The following CLDN7 variants were observed in gnomAD, a reference collection of about 807,000 sequenced individuals.
CLDN7 encodes claudin-7.
In CLDN7, 15 loss-of-function variants were observed where a neutral mutation model predicts 20.3. The observed-to-expected ratio is 0.74, with a 90% CI of 0.49 to 1.14. The LOEUF (loss-of-function observed/expected upper bound fraction) is 1.14, where lower values mean the gene tolerates loss of function less well. Ranked by LOEUF, CLDN7 falls within the 50% of genes most tolerant of loss-of-function variation. The pLI is 0.00. For missense variants in CLDN7, 261 were observed against 274.2 expected, an observed-to-expected ratio of 0.95 and a Z score of 0.34; for synonymous variants, 117 against 106.1, an observed-to-expected ratio of 1.10 and a Z score of -0.63.
rs1254939116 is a variant in CLDN7 at position 7,261,949 on chromosome 17, A to T, written c.95T>A (p.Met32Lys). ...GATGTTGTCACCCGCATAGGAGCTC[A>T]TCTGCCACTGCGGGATGGCGGTGCA... is the stretch of plus-strand genomic sequence containing the variant. ...VACTAIPQWQ[M>K]SSYAGDNIIT... The change falls in exon 1 of 4, where the codon ATG becomes AAG. Residue 32 changes from methionine (M) to lysine (K), a missense_variant. Transcript: ENST00000360325. 1.2e-6 allele frequency: 2 copies of T among 1,612,902 alleles called. No individual in the cohort carries two copies. Among genetic ancestry groups the T allele is most frequent in the South Asian group, 2.2e-5 (2 of 91,026 alleles).
At position 7,260,333 on chromosome 17, in the gene CLDN7, C is replaced by A; in HGVS notation, c.*41G>T. 1 of 1,557,784 alleles carries A rather than the reference C, an allele frequency of 6.4e-7. No individual in the cohort carries two copies. Among genetic ancestry groups the A allele is most frequent in the Admixed American group, 1.9e-5 (1 of 53,618 alleles). On this transcript the variant is annotated 3_prime_UTR_variant, in exon 4 of 4. Transcript: ENST00000360325. ...CCCCAGGCCCTTTCAGGCATCTAGA[C>A]ACTCCCATAGCCTGTCAGGCTGGGG...
Position 7,262,122 on chromosome 17 carries a change from A to AC in CLDN7, c.-80dup. 6.6e-7 allele frequency: 1 copy of AC among 1,505,248 alleles called. No individual in the cohort carries two copies. Among genetic ancestry groups the AC allele is most frequent in the Admixed American group, 2.3e-5 (1 of 42,974 alleles). 93.2% of individuals were successfully genotyped at this position (1,505,248 alleles called of 1,614,324 possible). ...CAAACGACACTTGGGGGGCAGCCCC[A>AC]CAAAAGAAAACTTGAGGTGGAGTTT... On this transcript the variant is annotated 5_prime_UTR_variant, in exon 1 of 4. Coordinates refer to ENST00000360325, the MANE Select transcript of CLDN7 (RefSeq NM_001307.6). The surrounding 1 kb of genome is among the most constrained non-coding windows in gnomAD (Gnocchi z 6.6).
At position 7,260,634 on chromosome 17, in the gene CLDN7, A is replaced by G. The variant is rs770049907; in HGVS notation, c.473+8T>C. On this transcript the variant is annotated splice_region_variant and intron_variant, in intron 3 of 3. Coordinates refer to ENST00000360325, the MANE Select transcript of CLDN7 (RefSeq NM_001307.6). ...TGTCCCCTTAGGAGGCAGGGTTCCC[A>G]GACTTACTTAATGTTGGTAGGGATC... 11 of 1,614,014 alleles carry G rather than the reference A, an allele frequency of 6.8e-6. No individual in the cohort carries two copies. The African/African-American group carries it at 9.3e-5, about 14-fold the overall frequency.
chr17:7,261,692 G>A (rs2072226332), intron 1 of CLDN7, 129 bp downstream of exon 1: 1 of 288,160 alleles, frequency 3.5e-6, no homozygotes. Flanking sequence ...GCCCCCAGCC[G>A]ACCACTTCCT....
Position 7,260,096 on chromosome 17 carries a change from T to C in CLDN7, c.*278A>G. Reference sequence around the variant, plus strand: ...AGGTTCCAAGCTCCCTGCAAGGATCTGGACGGGAGGAAAGCAGAGGCCCTG... The same window carrying C: ...AGGTTCCAAGCTCCCTGCAAGGATCCGGACGGGAGGAAAGCAGAGGCCCTG... On this transcript the variant is annotated 3_prime_UTR_variant, in exon 4 of 4. Coordinates refer to ENST00000360325, the MANE Select transcript of CLDN7 (RefSeq NM_001307.6). 1 of 350,984 alleles carries C rather than the reference T, an allele frequency of 2.8e-6. No individual in the cohort carries two copies. Among genetic ancestry groups the C allele is most frequent in the East Asian group, 5.2e-5 (1 of 19,194 alleles). The allele number at this position is 350,984 out of a possible 1,614,324, so 21.7% of individuals were successfully genotyped here.
chr17:7,260,532 C>A lies in CLDN7; in HGVS notation c.478G>T (p.Glu160Ter). The change falls in exon 4 of 4, where the codon GAG (glutamate) becomes TAG (stop). Residue 160 changes from glutamate to a stop codon, truncating the protein, a stop_gained. Coordinates refer to ENST00000360325, the MANE Select transcript of CLDN7 (RefSeq NM_001307.6). LOFTEE classifies it high-confidence loss of function. ...NPLIPTNIKY[E>*]FGPAIFIGWA... is the part of the protein sequence containing the mutation. ...CCAATAAAGATGGCAGGGCCAAACT[C>A]ATACCTGTGAAGAGAAGGGGGTGGT... 6.2e-7 allele frequency: 1 copy of A among 1,612,240 alleles called. No homozygotes were observed. Among genetic ancestry groups the A allele is most frequent in the South Asian group, 1.1e-5 (1 of 90,948 alleles).
chr17:7,261,725 C>T (rs115784361), intron 1 of CLDN7, 96 bp downstream of exon 1: 7 of 1,349,540 alleles, frequency 5.2e-6, no homozygotes, highest in Non-Finnish European at 7.0e-6. Context: ...CCCCGGCAAC[C>T]CAGGGCCCCC....
intron 1 of CLDN7, 22 bp from the exon 2 acceptor site, chr17:7,261,007 G>GC (rs749461011): frequency 6.3e-7 from 1 of 1,593,984 alleles, no homozygotes; most frequent in Non-Finnish European, 8.5e-7. Context: ...GGGAAAGGGC[G>GC]CCGTCATTGC....
Position 7,260,262 on chromosome 17 carries a change from G to T in CLDN7, c.*112C>A. On this transcript the variant is annotated 3_prime_UTR_variant, in exon 4 of 4. Transcript: ENST00000360325. Reference sequence around the variant, plus strand: ...TATACATGGAGTGCAGGGACAGAGTGACCAGGAGGCCTTTGTCCGGCACCC... The same window carrying T: ...TATACATGGAGTGCAGGGACAGAGTTACCAGGAGGCCTTTGTCCGGCACCC... 3.8e-6 allele frequency: 4 copies of T among 1,042,482 alleles called. No homozygotes were observed. The highest frequency in any genetic ancestry group is 5.5e-6 in the Non-Finnish European group (4 of 723,486). 64.6% of individuals were successfully genotyped at this position (1,042,482 alleles called of 1,614,324 possible). A position where few individuals can be genotyped will look rare whatever the true frequency, so the allele number is the denominator to read the frequency against.
chr17:7,262,316 C>A lies in CLDN7; in HGVS notation c.-273G>T. On this transcript the variant is annotated 5_prime_UTR_variant, in exon 1 of 4. Coordinates refer to ENST00000360325, the MANE Select transcript of CLDN7 (RefSeq NM_001307.6). The surrounding 1 kb of genome is among the most constrained non-coding windows in gnomAD (Gnocchi z 6.6). ...AAATTGGTGGTCCCCGAAGGCCAGG[C>A]GGTTCCCTCCGGGCGCTCTCGGCGA... The A allele has an allele frequency of 7.5e-7, 1 of 1,336,652 alleles. No individual in the cohort carries two copies. The highest frequency in any genetic ancestry group is 3.2e-5 in the East Asian group (1 of 31,400). The allele number at this position is 1,336,652 out of a possible 1,614,324, so 82.8% of individuals were successfully genotyped here.
At position 7,262,076 on chromosome 17, in the gene CLDN7, CG is replaced by C. The variant is rs56219105; in HGVS notation, c.-34del. ...CTCAGAAAACACTGGGGGCGCCGGG[CG>C]GGGAGACCCTACAGTAAAACAAACG... On this transcript the variant is annotated 5_prime_UTR_variant, in exon 1 of 4. Coordinates refer to ENST00000360325, the MANE Select transcript of CLDN7 (RefSeq NM_001307.6). This position sits in a 1 kb window ranked among gnomAD's most constrained non-coding sequence, Gnocchi z 6.6. 0.61 allele frequency: 963,980 copies of C among 1,571,624 alleles called. 297,455 individuals carry two copies. Among genetic ancestry groups the C allele is most frequent in the Middle Eastern group, 0.72 (4,121 of 5,686 alleles).
Position 7,262,204 on chromosome 17 carries a change from C to A in CLDN7, c.-161G>T, listed in dbSNP as rs2072237949. On this transcript the variant is annotated 5_prime_UTR_variant, in exon 1 of 4. Transcript: ENST00000360325. The surrounding 1 kb of genome is among the most constrained non-coding windows in gnomAD (Gnocchi z 6.6). ...GGCCAGGTGAATGCAAATCTTGTCA[C>A]CAAACTACACACAAATCGACCCCTC... 1 of 1,439,600 alleles carries A rather than the reference C, an allele frequency of 6.9e-7. No homozygotes were observed. Among genetic ancestry groups the A allele is most frequent in the Non-Finnish European group, 9.1e-7 (1 of 1,102,616 alleles). The allele number at this position is 1,439,600 out of a possible 1,614,324, so 89.2% of individuals were successfully genotyped here. A position where few individuals can be genotyped will look rare whatever the true frequency, so the allele number is the denominator to read the frequency against.
Position 7,259,917 on chromosome 17 carries a change from C to CT in CLDN7, c.*456dup, listed in dbSNP as rs1472757533. 1.0e-5 allele frequency: 5 copies of CT among 497,818 alleles called. No homozygotes were observed. The highest frequency in any genetic ancestry group is 4.0e-5 in the African/African-American group (2 of 50,570). The allele number at this position is 497,818 out of a possible 1,614,324, so 30.8% of individuals were successfully genotyped here. On this transcript the variant is annotated 3_prime_UTR_variant, in exon 4 of 4. Coordinates refer to ENST00000360325, the MANE Select transcript of CLDN7 (RefSeq NM_001307.6). ...GAACACCCCCGTACCTAATAAAAAT[C>CT]TTTATTTTTTTATTAAAAAAGAAGT...
Position 7,261,995 on chromosome 17 carries a change from C to T in CLDN7, c.49G>A (p.Gly17Ser). The T allele has an allele frequency of 2.5e-6, 4 of 1,614,076 alleles. No homozygotes were observed. The highest frequency in any genetic ancestry group is 3.4e-6 in the Non-Finnish European group (4 of 1,180,016). The part of the protein sequence containing the change: ...QLLGFSMALL[G>S]WVGLVACTAI... ...GTGCAGGCCACCAGACCCACCCAGCCCAGCAGGGCCATGGAGAAGCCCAGC... is the reference window on the plus strand; with the variant it reads ...GTGCAGGCCACCAGACCCACCCAGCTCAGCAGGGCCATGGAGAAGCCCAGC... Residue 17 changes from glycine to serine, a missense_variant, in exon 1 of 4, where the codon GGC becomes AGC. Physicochemically the swap from Gly to Ser is moderately conservative, Grantham distance 56. This residue lies in a region of CLDN7 where 46 missense variants were observed against 74.6 expected (regional missense o/e 0.62). Transcript: ENST00000360325.
At position 7,260,647 on chromosome 17, in the gene CLDN7, G is replaced by A. The variant is rs143759813; in HGVS notation, c.468C>T (p.Asn156=). The change falls in exon 3 of 4, where the codon AAC becomes AAT. Residue 156 remains asparagine, a synonymous_variant. Coordinates refer to ENST00000360325, the MANE Select transcript of CLDN7 (RefSeq NM_001307.6). ...TDFYNPLIPT[N]IKYEFGPAIF... is the part of the protein sequence containing the mutation. ...GGCAGGGTTCCCAGACTTACTTAAT[G>A]TTGGTAGGGATCAAAGGGTTATAAA... 3.1e-6 allele frequency: 5 copies of A among 1,614,090 alleles called. No individual in the cohort carries two copies. The African/African-American group carries it at 5.3e-5, about 17-fold the overall frequency.
intron 1 of CLDN7, among the ~76,000 whole-genome samples, chr17:7,261,301 GA>G (rs2072212159): frequency 6.6e-6 from 1 of 152,156 alleles, no homozygotes; most frequent in African/African-American, 2.4e-5. Flanking sequence ...ACGGTGGTCC[GA>G]AGCCCCGCGC....
chr17:7,261,252 A>G, intron 1 of CLDN7: 1 of 514,894 alleles, frequency 1.9e-6, no homozygotes, highest in Admixed American at 3.5e-5. Context: ...TGCCCTGGAT[A>G]GGGGGAAGGG....
rs916921495 is a variant in CLDN7 at position 7,262,363 on chromosome 17, A to T, written c.-320T>A. On this transcript the variant is annotated 5_prime_UTR_variant, in exon 1 of 4. Transcript: ENST00000360325. The surrounding 1 kb of genome is among the most constrained non-coding windows in gnomAD (Gnocchi z 6.6). ...GCGACCCTAGGCAAACAAAAGGTGG[A>T]GGGGCCGTCTGGGCGCGTTTCTGAG... 2.4e-6 allele frequency: 3 copies of T among 1,233,176 alleles called. No individual in the cohort carries two copies. The highest frequency in any genetic ancestry group is 7.8e-5 in the Admixed American group (2 of 25,702). The allele number at this position is 1,233,176 out of a possible 1,614,324, so 76.4% of individuals were successfully genotyped here.
chr17:7,261,047 C>A, intron 1 of CLDN7, 62 bp from the exon 2 acceptor site: 2 of 1,525,652 alleles, frequency 1.3e-6, no homozygotes, highest in Non-Finnish European at 1.7e-6. Flanking sequence ...AGCCTTCGTG[C>A]CGCCGGCCGC....
Sources: gnomAD v4.1 joint callset for allele counts (sites outside exome capture counted in the v4.1 genomes callset) on GRCh38, gnomAD v4.1.1 for gene constraint, gnomAD v4.1.1 regional missense constraint, Gnocchi (gnomAD v3.1) non-coding constraint, MANE v1.5 for transcripts, NCBI Gene and HGNC (gene_info 2026-07-23, HGNC 2026-07-21) for gene names.